DNAH11: variants seen among roughly 807,000 people sequenced by gnomAD.
DNAH11 encodes the protein dynein axonemal heavy chain 11, also known as axonemal beta dynein heavy chain 11.
DNAH11 carries 442 observed loss-of-function variants against 526.0 expected under a neutral mutation model. The ratio of observed to expected loss-of-function variants is 0.84; its 90% CI spans 0.78 to 0.91. DNAH11 has a LOEUF of 0.91. DNAH11 is among the 40% of genes least tolerant of loss of function. The pLI, the probability that DNAH11 is intolerant of heterozygous loss-of-function variation, is 0.00. For missense variants in DNAH11, 6,989 were observed against 5,448.7 expected (o/e 1.28, Z -8.90); for synonymous variants, 2,461 against 1,935.9 (o/e 1.27, Z -7.12).
intron 61 of DNAH11, among the ~76,000 whole-genome samples, chr7:21,791,255 C>A (rs1788468110): frequency 6.6e-6 from 1 of 152,116 alleles, no homozygotes; most frequent in Non-Finnish European, 1.5e-5. Context: ...TCAAGGTGGC[C>A]ATGTGTGATT....
At chr7:21,748,471 A>T in intron 51 of DNAH11, 109 bp from the exon 52 acceptor site, 1 of 1,216,388 alleles carries the variant, frequency 8.2e-7, no homozygotes. Flanking sequence ...CCTGGGCAAC[A>T]GAGCAAGTCT....
chr7:21,585,778 C>T (rs1014736796), intron 9 of DNAH11, among the ~76,000 whole-genome samples: 19 of 152,026 alleles, frequency 1.2e-4, no homozygotes, highest in African/African-American at 3.6e-4. Flanking sequence ...TGTACTACAC[C>T]GAACAATGGC....
chr7:21,545,085 A>C lies in DNAH11; in HGVS notation c.431A>C (p.Gln144Pro). 6.2e-7 allele frequency: 1 copy of C among 1,609,170 alleles called. No homozygotes were observed. The highest frequency in any genetic ancestry group is 8.5e-7 in the Non-Finnish European group (1 of 1,177,300). Reference sequence around the variant, plus strand: ...AGCATTGGAGTAAATGACTTTTCTCAAGTGGTTTTATTTGGAGAGTTACCT... The same window carrying C: ...AGCATTGGAGTAAATGACTTTTCTCCAGTGGTTTTATTTGGAGAGTTACCT... Reference protein sequence around the residue: ...TESIGVNDFSQVVLFGELPAL... With the variant: ...TESIGVNDFSPVVLFGELPAL... The change falls in exon 2 of 82, where the codon CAA becomes CCA. Residue 144 changes from glutamine to proline, a missense_variant. Coordinates refer to ENST00000409508, the MANE Select transcript of DNAH11 (RefSeq NM_001277115.2).
At chr7:21,822,521 A>G (rs1790099671) in intron 65 of DNAH11, among the ~76,000 whole-genome samples, 1 of 152,160 alleles carries the variant, frequency 6.6e-6, no homozygotes, top group Non-Finnish European at 1.5e-5. Flanking sequence ...CTGTATCACA[A>G]TTCACCCATT....
intron 47 of DNAH11, 144 bp downstream of exon 47, chr7:21,739,010 T>C: frequency 1.2e-6 from 1 of 829,924 alleles, no homozygotes; most frequent in Non-Finnish European, 1.7e-6. Context: ...CCCAGTTTCT[T>C]CTAAGGAATA....
intron 20 of DNAH11, among the ~76,000 whole-genome samples, chr7:21,612,694 G>C (rs1785581358): frequency 6.6e-6 from 1 of 151,934 alleles, no homozygotes; most frequent in Non-Finnish European, 1.5e-5. Flanking sequence ...ATTACTTTGT[G>C]AAGCATGTCT....
chr7:21,731,794 A>G (rs1785398318), intron 45 of DNAH11, among the ~76,000 whole-genome samples: 1 of 152,168 alleles, frequency 6.6e-6, no homozygotes, highest in Non-Finnish European at 1.5e-5. Context: ...GAGGATGGTA[A>G]CCATCTTCAT....
intron 54 of DNAH11, among the ~76,000 whole-genome samples, chr7:21,758,165 A>G (rs1271453495): frequency 6.6e-6 from 1 of 152,160 alleles, no homozygotes; most frequent in Non-Finnish European, 1.5e-5. Context: ...TATGCTGCCA[A>G]CTGTGTTTTG....
In DNAH11 at chr7:21,619,144, A is replaced by G. The variant is rs1203413003; in HGVS notation, c.4299A>G (p.Leu1433=). ...INEATTLADL[L]ALRLHRVEDD... ...AAGCCACAACTTTGGCAGATTTGTT[A>G]GCACTGCGGTTACACAGAGTGGAAG... The change falls in exon 24 of 82, where the codon TTA becomes TTG. Residue 1433 remains leucine, a synonymous_variant. Transcript: ENST00000409508. 6.2e-7 allele frequency: 1 copy of G among 1,613,556 alleles called. No individual in the cohort carries two copies. The highest frequency in any genetic ancestry group is 1.7e-5 in the Admixed American group (1 of 59,930).
intron 57 of DNAH11, 80 bp downstream of exon 57, chr7:21,779,184 A>C (rs1336536959): frequency 6.7e-7 from 1 of 1,489,816 alleles, no homozygotes; most frequent in Non-Finnish European, 9.0e-7. Flanking sequence ...ATTTTGAACA[A>C]CTTCCTCTCC....
In DNAH11 at chr7:21,637,612, A is replaced by T. The variant is rs779033090; in HGVS notation, c.4727A>T (p.Glu1576Val). ...RFDGVDAEFKELMFKTAKVEN... is the reference protein window; with the variant it reads ...RFDGVDAEFKVLMFKTAKVEN... ...GCCCCGTATTGTACTTTCATGCAGG[A>T]GTTAATGTTCAAGACAGCCAAAGTA... is the stretch of plus-strand genomic sequence containing the variant. Residue 1576 changes from glutamate to valine, a missense_variant and splice_region_variant, in exon 27 of 82, where the codon GAG becomes GTG. Physicochemically the swap from Glu to Val is moderately radical, Grantham distance 121. Coordinates refer to ENST00000409508, the MANE Select transcript of DNAH11 (RefSeq NM_001277115.2). 3.2e-6 allele frequency: 5 copies of T among 1,574,300 alleles called. No individual in the cohort carries two copies. The South Asian group carries it at 4.7e-5, about 15-fold the overall frequency.
intron 22 of DNAH11, 47 bp downstream of exon 22, chr7:21,616,339 C>T (rs1449493933): frequency 7.0e-7 from 1 of 1,433,018 alleles, no homozygotes; most frequent in Non-Finnish European, 9.7e-7. Flanking sequence ...TTCTCAGCAC[C>T]ACCTCCTTCC....
intron 55 of DNAH11, among the ~76,000 whole-genome samples, chr7:21,773,341 C>CT (rs200549631): frequency 0.09 from 11,447 of 126,566 alleles, 768 homozygotes; most frequent in East Asian, 0.25. Flanking sequence ...TAAGTTTTGG[C>CT]TTTTTTTTTT....
At chr7:21,828,512 G>T (rs547433785) in intron 65 of DNAH11, among the ~76,000 whole-genome samples, 2 of 152,110 alleles carry the variant, frequency 1.3e-5, no homozygotes, top group African/African-American at 4.8e-5. Flanking sequence ...CTCACATTCA[G>T]TCATCTTGGT....
At chr7:21,642,596 G>A (rs1787179076) in intron 28 of DNAH11, among the ~76,000 whole-genome samples, 1 of 152,064 alleles carries the variant, frequency 6.6e-6, no homozygotes, top group Non-Finnish European at 1.5e-5. Context: ...GAGATAACAT[G>A]GCAACTGCAG....
Position 21,559,017 on chromosome 7 carries a change from T to C in DNAH11, c.692+19T>C, listed in dbSNP as rs761023886. 11 of 1,549,532 alleles carry C rather than the reference T, an allele frequency of 7.1e-6. No individual in the cohort carries two copies. In the African/African-American group the frequency reaches 1.4e-4, roughly 19 times the overall value. On this transcript the variant is annotated intron_variant, in intron 3 of 81. Transcript: ENST00000409508. ...AGAACAAGTACGTAACAGTACAATATATACAGGATATTAAAGTAGAGAGCC... is the reference window on the plus strand; with the variant it reads ...AGAACAAGTACGTAACAGTACAATACATACAGGATATTAAAGTAGAGAGCC...
rs1482007987 is a variant in DNAH11 at position 21,864,652 on chromosome 7, A to G, written c.11491A>G (p.Ile3831Val). Residue 3831 changes from isoleucine to valine, a missense_variant, in exon 70 of 82, where the codon ATC becomes GTC. By Grantham distance (29) the Ile-to-Val change is conservative. Transcript: ENST00000409508. ...DFLTSQSWSA[I>V]KAIAVMEEFR... ...CCTAACTTCTCAGTCATGGAGTGCT[A>G]TCAAGGTATGTTAGGAATACAGTTT... The G allele has an allele frequency of 7.5e-6, 12 of 1,596,604 alleles. No homozygotes were observed. The highest frequency in any genetic ancestry group is 6.7e-5 in the East Asian group (3 of 44,460).
intron 20 of DNAH11, among the ~76,000 whole-genome samples, chr7:21,612,019 C>G (rs1785540530): frequency 6.6e-6 from 1 of 151,834 alleles, no homozygotes; most frequent in Admixed American, 6.6e-5. Flanking sequence ...AGAAAAACAG[C>G]AAAATTAACA....
chr7:21,725,204 T>G (rs1217126887), intron 44 of DNAH11, among the ~76,000 whole-genome samples: 2 of 152,178 alleles, frequency 1.3e-5, no homozygotes, highest in African/African-American at 4.8e-5. Flanking sequence ...CCCCTTAGAT[T>G]TGGTCTGGTG....
Sources: allele counts gnomAD v4.1 joint callset (sites outside exome capture counted in the v4.1 genomes callset), GRCh38; gene constraint gnomAD v4.1.1; transcripts MANE v1.5; gene names NCBI Gene and HGNC (gene_info 2026-07-23, HGNC 2026-07-21).